The following NUBPL variants were observed in gnomAD, a reference collection of about 807,000 sequenced individuals.
The protein encoded by NUBPL is iron-sulfur cluster transfer protein NUBPL.
NUBPL carries 31 observed loss-of-function variants against 45.7 expected under a neutral mutation model. The observed-to-expected ratio is 0.68, with a 90% CI of 0.51 to 0.92. The LOEUF (loss-of-function observed/expected upper bound fraction) is 0.92. Among genes scored for constraint, NUBPL ranks in the 40% least tolerant of loss-of-function variants. NUBPL has a pLI of 0.00. For missense variants in NUBPL, 401 were observed against 398.7 expected (o/e 1.01, Z -0.05); for synonymous variants, 144 against 140.9 (o/e 1.02, Z -0.15).
At chr14:31,650,157 T>C (rs2035961230) in intron 4 of NUBPL, among the ~76,000 whole-genome samples, 1 of 152,152 alleles carries the variant, frequency 6.6e-6, no homozygotes, top group African/African-American at 2.4e-5. Context: ...TTGTCAAAAA[T>C]ATTAGCCATG....
At chr14:31,679,222 A>C (rs190077465) in intron 6 of NUBPL, among the ~76,000 whole-genome samples, 2 of 152,306 alleles carry the variant, frequency 1.3e-5, no homozygotes, top group African/African-American at 2.4e-5. Flanking sequence ...TGTGTCTTTC[A>C]GTAATATAAA....
intron 4 of NUBPL, among the ~76,000 whole-genome samples, chr14:31,650,856 A>G (rs1008758617): frequency 1.3e-5 from 2 of 152,182 alleles, no homozygotes; most frequent in African/African-American, 2.4e-5. Flanking sequence ...TGGTAAAGGA[A>G]GGGAAACTAG....
chr14:31,658,498 T>C (rs2036193507), intron 4 of NUBPL, among the ~76,000 whole-genome samples: 1 of 152,070 alleles, frequency 6.6e-6, no homozygotes, highest in East Asian at 1.9e-4. Flanking sequence ...ATATAGGTTA[T>C]GGAAGTTTTC....
chr14:31,649,288 T>C (rs1212635500), intron 4 of NUBPL, among the ~76,000 whole-genome samples: 4 of 152,246 alleles, frequency 2.6e-5, no homozygotes, highest in Admixed American at 1.3e-4. Flanking sequence ...TTTTGGTTGT[T>C]AGATTTGCAA....
intron 7 of NUBPL, among the ~76,000 whole-genome samples, chr14:31,807,296 T>G (rs571922087): frequency 1.9e-4 from 29 of 152,298 alleles, no homozygotes; most frequent in Non-Finnish European, 4.0e-4. Flanking sequence ...GTTTCCTGAC[T>G]TTTTAATGAT....
chr14:31,637,734 G>A (rs1247796452), intron 4 of NUBPL, among the ~76,000 whole-genome samples: 1 of 152,150 alleles, frequency 6.6e-6, no homozygotes, highest in Admixed American at 6.5e-5. Flanking sequence ...AAGTCTCTTT[G>A]TAGGTCACTC....
chr14:31,727,053 G>A (rs370278284), intron 6 of NUBPL, among the ~76,000 whole-genome samples: 23 of 151,952 alleles, frequency 1.5e-4, no homozygotes, highest in East Asian at 1.3e-3. Flanking sequence ...TTGAGTTAGC[G>A]AATAACCCAC....
At position 31,644,232 on chromosome 14, in the gene NUBPL, A is replaced by C. The variant is rs566312535; in HGVS notation, c.383-29123A>C. 1.4e-4 allele frequency among the ~76,000 whole-genome samples: 22 copies of C among 151,970 alleles called. No individual in the cohort carries two copies. The South Asian group carries it at 4.6e-3, about 32-fold the overall frequency. On this transcript the variant is annotated intron_variant, in intron 4 of 10. Transcript: ENST00000281081. ...TTTTAGTTTCTTGAGATGCATTGATATGTTGTGTTAAGTTATTTATTTGAA... is the reference window on the plus strand; with the variant it reads ...TTTTAGTTTCTTGAGATGCATTGATCTGTTGTGTTAAGTTATTTATTTGAA...
chr14:31,713,665 T>A (rs2037625968), intron 6 of NUBPL, among the ~76,000 whole-genome samples: 1 of 152,156 alleles, frequency 6.6e-6, no homozygotes, highest in Admixed American at 6.5e-5. Context: ...TAGGAAATTT[T>A]TCTTCTATTT....
At chr14:31,566,927 G>A (rs1042762251) in intron 3 of NUBPL, among the ~76,000 whole-genome samples, 2 of 152,116 alleles carry the variant, frequency 1.3e-5, no homozygotes, top group African/African-American at 2.4e-5. Context: ...CTTCCAGAAG[G>A]TACGTAATTC....
At chr14:31,744,167 G>A (rs566899761) in intron 6 of NUBPL, among the ~76,000 whole-genome samples, 1 of 152,134 alleles carries the variant, frequency 6.6e-6, no homozygotes, top group South Asian at 2.1e-4. Flanking sequence ...GGTGAGAGAA[G>A]GTAGATTAAC....
At position 31,726,413 on chromosome 14, in the gene NUBPL, T is replaced by C. The variant is rs543101354; in HGVS notation, c.513+52839T>C. Among the ~76,000 whole-genome samples, 9 of 152,344 alleles carry C rather than the reference T, an allele frequency of 5.9e-5. No homozygotes were observed. In the South Asian group the frequency reaches 1.9e-3, roughly 32 times the overall value. On this transcript the variant is annotated intron_variant, in intron 6 of 10. Coordinates refer to ENST00000281081, the MANE Select transcript of NUBPL (RefSeq NM_025152.3). ...AGGGTGAAAACTACTGGGAAGGTTA[T>C]TTTGGCTCATAAAAATAAATATATT... is the stretch of plus-strand genomic sequence containing the variant.
At chr14:31,645,722 C>T (rs1178191864) in intron 4 of NUBPL, among the ~76,000 whole-genome samples, 3 of 145,504 alleles carry the variant, frequency 2.1e-5, no homozygotes, top group Non-Finnish European at 3.0e-5. Context: ...GGTCAGATCA[C>T]AAAGAAATAA....
At chr14:31,691,391 C>T (rs2037090728) in intron 6 of NUBPL, among the ~76,000 whole-genome samples, 2 of 152,180 alleles carry the variant, frequency 1.3e-5, no homozygotes, top group African/African-American at 4.8e-5. Flanking sequence ...ATTGGTAAGG[C>T]TTCTGATCAA....
intron 6 of NUBPL, among the ~76,000 whole-genome samples, chr14:31,722,153 T>C (rs925758985): frequency 3.9e-5 from 6 of 152,184 alleles, no homozygotes; most frequent in Admixed American, 2.0e-4. Context: ...CCTGCCACCA[T>C]GCCCAGCTAA....
At chr14:31,634,530 A>G (rs75884800) in intron 4 of NUBPL, among the ~76,000 whole-genome samples, 45,509 of 151,750 alleles carry the variant, frequency 0.3, 7,611 homozygotes, top group South Asian at 0.41. Flanking sequence ...GCTATTGTGA[A>G]TAGTGCTGCT....
At chr14:31,587,822 G>A (rs2034033314) in intron 3 of NUBPL, among the ~76,000 whole-genome samples, 1 of 152,102 alleles carries the variant, frequency 6.6e-6, no homozygotes, top group Non-Finnish European at 1.5e-5. Flanking sequence ...ACAAAAAACA[G>A]ACAATATAAA....
chr14:31,575,118 T>G (rs959018577), intron 3 of NUBPL, among the ~76,000 whole-genome samples: 2 of 152,162 alleles, frequency 1.3e-5, no homozygotes, highest in Non-Finnish European at 2.9e-5. Flanking sequence ...ATGTACTGCT[T>G]TTTTTCCCCG....
intron 3 of NUBPL, among the ~76,000 whole-genome samples, chr14:31,585,632 A>G (rs1371514723): frequency 1.3e-5 from 2 of 152,180 alleles, no homozygotes; most frequent in African/African-American, 4.8e-5. Context: ...GCTGCTATCC[A>G]TATTTCTGTT....
Sources: allele counts gnomAD v4.1 joint callset (sites outside exome capture counted in the v4.1 genomes callset), GRCh38; gene constraint gnomAD v4.1.1; transcripts MANE v1.5; gene names NCBI Gene and HGNC (gene_info 2026-07-23, HGNC 2026-07-21).